The following KRTAP10-4 variants were observed in gnomAD, a reference collection of about 807,000 sequenced individuals.
The protein encoded by KRTAP10-4 is keratin associated protein 10-4, also known as keratin-associated protein 10-4.
For missense variants in KRTAP10-4, 374 were observed against 507.6 expected (o/e 0.74, Z 2.53); for synonymous variants, 147 against 213.7 (o/e 0.69, Z 2.72).
rs202031709 is a variant in KRTAP10-4 at position 44,574,438 on chromosome 21, C to A, written c.680C>A (p.Ala227Asp). The A allele has an allele frequency of 2.5e-6, 4 of 1,600,110 alleles. No individual in the cohort carries two copies. In the South Asian group the frequency reaches 4.4e-5, roughly 18 times the overall value. The change falls in exon 1 of 1, where the codon GCC (alanine) becomes GAC (aspartate). Residue 227 changes from alanine to aspartate, a missense_variant. By Grantham distance (126) the Ala-to-Asp change is moderately radical (BLOSUM62 -2). Transcript: ENST00000400374. ...TGCACCTCCTCCTCCTGCCAGCAGG[C>A]CTGCTGCGTGCCCGTCTGCTGCAAG... ...ACCTSSSCQQ[A>D]CCVPVCCKTV...
In KRTAP10-4 at chr21:44,575,238, T is replaced by C; in HGVS notation, c.*274T>C. ...TCCCATGGCAGTGGCCTCCCCTCCA[T>C]ATCTCCCACCTCTCATGAGGGTCAG... On this transcript the variant is annotated 3_prime_UTR_variant, in exon 1 of 1. Transcript: ENST00000400374. 1.7e-6 allele frequency: 1 copy of C among 588,240 alleles called. No homozygotes were observed. Among genetic ancestry groups the C allele is most frequent in the Non-Finnish European group, 3.1e-6 (1 of 323,824 alleles). The allele number at this position is 588,240 out of a possible 1,614,324, so 36.4% of individuals were successfully genotyped here. A position where few individuals can be genotyped will look rare whatever the true frequency, so the allele number is the denominator to read the frequency against.
In KRTAP10-4 at chr21:44,574,077, C is replaced by G. The variant is rs373708198; in HGVS notation, c.319C>G (p.Gln107Glu). 2.5e-4 allele frequency: 402 copies of G among 1,612,884 alleles called. No homozygotes were observed. In the African/African-American group the frequency reaches 4.4e-3, roughly 18 times the overall value. ...TTGCTGTGCCTCCTCCCCCTGCCAG[C>G]AGGCCTGCTGCGTGCCCGTCTGCTG... ...LACCASSPCQ[Q>E]ACCVPVCCKT... The change falls in exon 1 of 1, where the codon CAG becomes GAG. Residue 107 changes from glutamine (Q) to glutamate (E), a missense_variant. Transcript: ENST00000400374.
In KRTAP10-4 at chr21:44,574,484, G is replaced by A. The variant is rs370413196; in HGVS notation, c.726G>A (p.Val242=). 6.3e-6 allele frequency: 10 copies of A among 1,590,242 alleles called. No individual in the cohort carries two copies. Among genetic ancestry groups the A allele is most frequent in the Non-Finnish European group, 8.5e-6 (10 of 1,172,988 alleles). ...GCAAGACTGTCTGCTGCAAGCCTGT[G>A]TGCTCTGAGGATTCCTCTTCATGCT... is the stretch of plus-strand genomic sequence containing the variant. ...VCCKTVCCKP[V]CSEDSSSCCQ... The change falls in exon 1 of 1, where the codon GTG becomes GTA. Residue 242 remains valine, a synonymous_variant. Coordinates refer to ENST00000400374, the MANE Select transcript of KRTAP10-4 (RefSeq NM_198687.2).
chr21:44,573,953 C>T lies in KRTAP10-4; in HGVS notation c.195C>T (p.Ser65=), dbSNP rs376272270. ...LVCTPVSRVS[S]PCCPVTCEPS... The stretch of plus-strand genomic sequence containing the variant: ...GCACCCCAGTGAGCCGTGTGTCCAG[C>T]CCCTGCTGCCCAGTGACCTGTGAGC... Residue 65 remains serine (S), a synonymous_variant, in exon 1 of 1, where the codon AGC becomes AGT. Transcript: ENST00000400374. 4.6e-5 allele frequency: 74 copies of T among 1,612,126 alleles called. No individual in the cohort carries two copies. The African/African-American group carries it at 8.2e-4, about 18-fold the overall frequency.
Position 44,575,153 on chromosome 21 carries a change from G to A in KRTAP10-4, c.*189G>A. 1.1e-6 allele frequency: 1 copy of A among 919,854 alleles called. No homozygotes were observed. Among genetic ancestry groups the A allele is most frequent in the Non-Finnish European group, 1.6e-6 (1 of 613,874 alleles). The allele number at this position is 919,854 out of a possible 1,614,324, so 57.0% of individuals were successfully genotyped here. A position where few individuals can be genotyped will look rare whatever the true frequency, so the allele number is the denominator to read the frequency against. ...TGTTGAGCTGGACAATGGAAGAACT[G>A]AAAGTCTATACTCAATGCTGCAGCC... is the stretch of plus-strand genomic sequence containing the variant. On this transcript the variant is annotated 3_prime_UTR_variant, in exon 1 of 1. Coordinates refer to ENST00000400374, the MANE Select transcript of KRTAP10-4 (RefSeq NM_198687.2).
the KRTAP10-4 span, chr21:44,573,825 T>TG: frequency 6.2e-7 from 1 of 1,614,078 alleles, no homozygotes; most frequent in Admixed American, 1.7e-5. Flanking sequence ...CTGTGACTCT[T>TG]GCTCCGACTC....
chr21:44,574,745 G>T lies in KRTAP10-4; in HGVS notation c.987G>T (p.Val329=). 1 of 1,613,574 alleles carries T rather than the reference G, an allele frequency of 6.2e-7. No homozygotes were observed. Among genetic ancestry groups the T allele is most frequent in the Non-Finnish European group, 8.5e-7 (1 of 1,179,924 alleles). The change falls in exon 1 of 1, where the codon GTG becomes GTT. Residue 329 remains valine (V), a synonymous_variant. Coordinates refer to ENST00000400374, the MANE Select transcript of KRTAP10-4 (RefSeq NM_198687.2). ...VPVCCKPVSC[V]PVCSGASSSC... is the part of the protein sequence containing the mutation. Reference sequence around the variant, plus strand: ...TCTGCTGCAAGCCTGTGAGCTGTGTGCCTGTTTGCTCTGGGGCTTCCTCTT... The same window carrying T: ...TCTGCTGCAAGCCTGTGAGCTGTGTTCCTGTTTGCTCTGGGGCTTCCTCTT...
Position 44,575,020 on chromosome 21 carries a change from G to A in KRTAP10-4, c.*56G>A, listed in dbSNP as rs1978340617. The A allele has an allele frequency of 1.3e-6, 2 of 1,593,682 alleles. No homozygotes were observed. Among genetic ancestry groups the A allele is most frequent in the Non-Finnish European group, 8.6e-7 (1 of 1,169,474 alleles). On this transcript the variant is annotated 3_prime_UTR_variant, in exon 1 of 1. Transcript: ENST00000400374. ...GGCCTCCGCTCAGGTCAGAAGCCCA[G>A]CTGCTGATGGACACGCCCCCCAGTG...
the KRTAP10-4 span, chr21:44,574,548 T>TCCCC: frequency 6.2e-7 from 1 of 1,608,834 alleles, no homozygotes; most frequent in African/African-American, 1.4e-5. Flanking sequence ...CTGCACCTCC[T>TCCCC]CTCCCTGCCA....
At position 44,573,779 on chromosome 21, in the gene KRTAP10-4, C is replaced by A; in HGVS notation, c.21C>A (p.Asp7Glu). Residue 7 changes from aspartate to glutamate, a missense_variant, in exon 1 of 1, where the codon GAC becomes GAA. Transcript: ENST00000400374. MSVCSS[D>E]LSYSSRVCLP... ...CCACCATGTCCGTCTGCTCCAGCGA[C>A]CTGAGCTACAGCAGCCGCGTCTGCC... The A allele has an allele frequency of 1.2e-6, 2 of 1,612,054 alleles. No individual in the cohort carries two copies. Among genetic ancestry groups the A allele is most frequent in the Non-Finnish European group, 1.7e-6 (2 of 1,179,934 alleles).
the KRTAP10-4 span, chr21:44,574,364 CT>C: frequency 6.2e-7 from 1 of 1,610,884 alleles, no homozygotes; most frequent in Non-Finnish European, 8.5e-7. Flanking sequence ...GCTGCATCAG[CT>C]CCTGCACGCC....
rs368809950 is a variant in KRTAP10-4 at position 44,574,610 on chromosome 21, C to T, written c.852C>T (p.Val284=). 32 of 1,294,030 alleles carry T rather than the reference C, an allele frequency of 2.5e-5. No individual in the cohort carries two copies. Among genetic ancestry groups the T allele is most frequent in the Admixed American group, 5.3e-5 (2 of 38,076 alleles). The allele number at this position is 1,294,030 out of a possible 1,614,324, so 80.2% of individuals were successfully genotyped here. A position where few individuals can be genotyped will look rare whatever the true frequency, so the allele number is the denominator to read the frequency against. ...GCAAGCCTGTGTGCTGCAAGCCTGT[C>T]TGCTCTGTGCCCATCTGCTCTGGGG... ...VCCKPVCCKP[V]CSVPICSGAS... is the part of the protein sequence containing the mutation. Residue 284 remains valine, a synonymous_variant, in exon 1 of 1, where the codon GTC becomes GTT. Coordinates refer to ENST00000400374, the MANE Select transcript of KRTAP10-4 (RefSeq NM_198687.2).
Position 44,574,458 on chromosome 21 carries a change from T to C in KRTAP10-4, c.700T>C (p.Cys234Arg), listed in dbSNP as rs78156555. ...GCAGGCCTGCTGCGTGCCCGTCTGC[T>C]GCAAGACTGTCTGCTGCAAGCCTGT... The part of the protein sequence containing the change: ...CQQACCVPVC[C>R]KTVCCKPVCS... The change falls in exon 1 of 1, where the codon TGC becomes CGC. Residue 234 changes from cysteine to arginine, a missense_variant. Cys to Arg is a radical substitution (Grantham distance 180). Transcript: ENST00000400374. 1.9e-6 allele frequency: 3 copies of C among 1,602,546 alleles called. No individual in the cohort carries two copies. Among genetic ancestry groups the C allele is most frequent in the Non-Finnish European group, 2.6e-6 (3 of 1,174,522 alleles).
At position 44,574,532 on chromosome 21, in the gene KRTAP10-4, G is replaced by A. The variant is rs368235814; in HGVS notation, c.774G>A (p.Pro258=). ...GCTGCCAGCAGTCTAGCTGCCAGCC[G>A]GCTTGCTGCACCTCCTCTCCCTGCC... is the stretch of plus-strand genomic sequence containing the variant. The part of the protein sequence containing the change: ...SSCCQQSSCQ[P]ACCTSSPCQQ... The change falls in exon 1 of 1, where the codon CCG becomes CCA. Residue 258 remains proline (P), a synonymous_variant. Coordinates refer to ENST00000400374, the MANE Select transcript of KRTAP10-4 (RefSeq NM_198687.2). The A allele has an allele frequency of 5.1e-4, 807 of 1,588,994 alleles. 6 individuals are homozygous for A. The African/African-American group carries it at 9.8e-3, about 19-fold the overall frequency.
rs201912447 is a variant in KRTAP10-4, at chr21:44,573,843, G to A, written c.85G>A (p.Val29Met). The change falls in exon 1 of 1, where the codon GTG becomes ATG. Residue 29 changes from valine to methionine, a missense_variant. Transcript: ENST00000400374. ...TGACTCTTGCTCCGACTCCTGGCAG[G>A]TGGACGACTGCCCAGAGAGCTGCTG... is the stretch of plus-strand genomic sequence containing the variant. ...SCDSCSDSWQ[V>M]DDCPESCCEP... 165 of 1,613,716 alleles carry A rather than the reference G, an allele frequency of 1.0e-4. No individual in the cohort carries two copies. The African/African-American group carries it at 2.0e-3, about 20-fold the overall frequency.
In KRTAP10-4 at chr21:44,574,500, T is replaced by C. The variant is rs587638798; in HGVS notation, c.742T>C (p.Ser248Pro). 1.9e-6 allele frequency: 3 copies of C among 1,609,860 alleles called. No homozygotes were observed. The African/African-American group carries it at 4.1e-5, about 22-fold the overall frequency. The stretch of plus-strand genomic sequence containing the variant: ...CAAGCCTGTGTGCTCTGAGGATTCC[T>C]CTTCATGCTGCCAGCAGTCTAGCTG... Reference protein sequence around the residue: ...CCKPVCSEDSSSCCQQSSCQP... With the variant: ...CCKPVCSEDSPSCCQQSSCQP... The change falls in exon 1 of 1, where the codon TCT becomes CCT. Residue 248 changes from serine (S) to proline (P), a missense_variant. Physicochemically the swap from Ser to Pro is moderately conservative, Grantham distance 74 (BLOSUM62 -1). Coordinates refer to ENST00000400374, the MANE Select transcript of KRTAP10-4 (RefSeq NM_198687.2).
Position 44,574,421 on chromosome 21 carries a change from C to G in KRTAP10-4, c.663C>G (p.Ser221=). The G allele has an allele frequency of 6.2e-7, 1 of 1,603,318 alleles. No individual in the cohort carries two copies. Among genetic ancestry groups the G allele is most frequent in the Non-Finnish European group, 8.5e-7 (1 of 1,175,004 alleles). The change falls in exon 1 of 1, where the codon TCC becomes TCG. Residue 221 remains serine (S), a synonymous_variant. Coordinates refer to ENST00000400374, the MANE Select transcript of KRTAP10-4 (RefSeq NM_198687.2). The part of the protein sequence containing the change: ...QSSCQPACCT[S]SSCQQACCVP... ...GCTGCCAGCCGGCTTGCTGCACCTC[C>G]TCCTCCTGCCAGCAGGCCTGCTGCG...
In KRTAP10-4 at chr21:44,575,278, G is replaced by A. The variant is rs9979610; in HGVS notation, c.*314G>A. 8,049 of 507,188 alleles carry A rather than the reference G, an allele frequency of 0.016. 526 individuals carry two copies. The highest frequency in any genetic ancestry group is 0.14 in the African/African-American group (7,169 of 52,114). 31.4% of individuals were successfully genotyped at this position (507,188 alleles called of 1,614,324 possible). ...ATGAGGGTCAGTTCAGCCTTGACCC[G>A]TGAGGTCTCTGTCCTCCTGGCTCAG... On this transcript the variant is annotated 3_prime_UTR_variant, in exon 1 of 1. Transcript: ENST00000400374.
Position 44,574,528 on chromosome 21 carries a change from A to T in KRTAP10-4, c.770A>T (p.Gln257Leu), listed in dbSNP as rs782586129. 6.2e-7 allele frequency: 1 copy of T among 1,609,544 alleles called. No homozygotes were observed. The highest frequency in any genetic ancestry group is 1.1e-5 in the South Asian group (1 of 90,950). ...SSSCCQQSSC[Q>L]PACCTSSPCQ... Reference sequence around the variant, plus strand: ...TCATGCTGCCAGCAGTCTAGCTGCCAGCCGGCTTGCTGCACCTCCTCTCCC... The same window carrying T: ...TCATGCTGCCAGCAGTCTAGCTGCCTGCCGGCTTGCTGCACCTCCTCTCCC... The change falls in exon 1 of 1, where the codon CAG (glutamine) becomes CTG (leucine). Residue 257 changes from glutamine to leucine, a missense_variant. By Grantham distance (113) the Gln-to-Leu change is moderately radical. Coordinates refer to ENST00000400374, the MANE Select transcript of KRTAP10-4 (RefSeq NM_198687.2).
Sources: gnomAD v4.1 joint callset for allele counts on GRCh38, gnomAD v4.1.1 for gene constraint, MANE v1.5 for transcripts, NCBI Gene and HGNC (gene_info 2026-07-23, HGNC 2026-07-21) for gene names.